SUCLA2: variants seen among roughly 807,000 people sequenced by gnomAD.
SUCLA2 encodes the protein succinate-CoA ligase ADP-forming subunit beta.
A neutral mutation model predicts 54.8 loss-of-function variants in SUCLA2; 30 were observed. The ratio of observed to expected loss-of-function variants is 0.55; its 90% CI spans 0.41 to 0.74. SUCLA2 has a LOEUF of 0.74. Among genes scored for constraint, SUCLA2 ranks in the 30% least tolerant of loss-of-function variants. The pLI is 0.00. For missense variants in SUCLA2, 476 were observed against 562.9 expected (o/e 0.85, Z 1.56); for synonymous variants, 172 against 188.9 (o/e 0.91, Z 0.74).
Position 47,949,045 on chromosome 13 carries a change from C to A in SUCLA2, c.1229-17G>T, listed in dbSNP as rs1949756684. On this transcript the variant is annotated splice_polypyrimidine_tract_variant and intron_variant, in intron 9 of 10. Coordinates refer to ENST00000646932, the MANE Select transcript of SUCLA2 (RefSeq NM_003850.3). ...CTCGTGTACCTGTAAATGATTTATG[C>A]AAATATAAATGTTTTAAATACACAC... 6.2e-7 allele frequency: 1 copy of A among 1,609,528 alleles called. No homozygotes were observed. Among genetic ancestry groups the A allele is most frequent in the Admixed American group, 1.7e-5 (1 of 59,944 alleles).
At chr13:47,984,952 G>C (rs527579855) in intron 4 of SUCLA2, among the ~76,000 whole-genome samples, 144 of 152,118 alleles carry the variant, frequency 9.5e-4, no homozygotes, top group Non-Finnish European at 1.9e-3. Context: ...AATAAAAGTA[G>C]TAAATGTGAT....
At chr13:47,995,521 T>C (rs1950184407) in intron 2 of SUCLA2, among the ~76,000 whole-genome samples, 1 of 152,194 alleles carries the variant, frequency 6.6e-6, no homozygotes, top group Non-Finnish European at 1.5e-5. Flanking sequence ...TTTCTGAACT[T>C]GTATATATCC....
At chr13:47,965,711 T>C (rs1446180501) in intron 6 of SUCLA2, 5 of 397,902 alleles carry the variant, frequency 1.3e-5, no homozygotes, top group Non-Finnish European at 2.2e-5. Flanking sequence ...ATGAATTAGA[T>C]AATATTTTCT....
chr13:47,967,757 T>TTC (rs1949931039), intron 6 of SUCLA2, among the ~76,000 whole-genome samples: 1 of 150,774 alleles, frequency 6.6e-6, no homozygotes, highest in Non-Finnish European at 1.5e-5. Flanking sequence ...GGCAGAAGAA[T>TTC]TACTTGAACC....
chr13:47,971,953 T>C (rs1231145708), intron 5 of SUCLA2: 9 of 398,148 alleles, frequency 2.3e-5, no homozygotes, highest in Non-Finnish European at 2.2e-5. Flanking sequence ...GACTTATCAG[T>C]CAACAACAAT....
At chr13:48,000,994 G>A (rs1376585942) in intron 1 of SUCLA2, 186 bp downstream of exon 1, 13 of 1,446,848 alleles carry the variant, frequency 9.0e-6, no homozygotes, top group Non-Finnish European at 1.2e-5. Flanking sequence ...GGTCAGAGCC[G>A]CGCAAACATG....
At chr13:47,994,345 G>A (rs1164164148) in intron 2 of SUCLA2, among the ~76,000 whole-genome samples, 1 of 151,962 alleles carries the variant, frequency 6.6e-6, no homozygotes, top group Non-Finnish European at 1.5e-5. Context: ...CTAGGCGGGT[G>A]GATCACAAGG....
chr13:47,987,014 A>C (rs963261190), intron 4 of SUCLA2, among the ~76,000 whole-genome samples: 30 of 152,352 alleles, frequency 2.0e-4, no homozygotes, highest in African/African-American at 7.0e-4. Flanking sequence ...TGATAATATC[A>C]AAGAATTTAT....
intron 10 of SUCLA2, among the ~76,000 whole-genome samples, chr13:47,943,766 G>GTGTATATATATATATATATATA (rs1300486540): frequency 5.2e-4 from 73 of 139,638 alleles, no homozygotes; most frequent in South Asian, 3.1e-3. Flanking sequence ...GTGTGTGTGT[G>GTGTATATATATATATATATATA]TATATATATA....
In SUCLA2 at chr13:47,971,398, G is replaced by A. The variant is rs148039855; in HGVS notation, c.663+1866C>T. On this transcript the variant is annotated intron_variant, in intron 5 of 10. Transcript: ENST00000646932. Reference sequence around the variant, plus strand: ...CGCCACTGCACACTCCACCCTGGGCGACAGAGCAAGAATCTCCATCTCAAA... The same window carrying A: ...CGCCACTGCACACTCCACCCTGGGCAACAGAGCAAGAATCTCCATCTCAAA... 592 of 152,428 alleles carry A rather than the reference G, an allele frequency of 3.9e-3. 2 individuals carry two copies. The highest frequency in any genetic ancestry group is 0.013 in the African/African-American group (552 of 41,578). 9.4% of individuals were successfully genotyped at this position (152,428 alleles called of 1,614,324 possible).
intron 2 of SUCLA2, among the ~76,000 whole-genome samples, chr13:47,994,328 G>A (rs1485339264): frequency 6.6e-6 from 1 of 151,944 alleles, no homozygotes; most frequent in Non-Finnish European, 1.5e-5. Flanking sequence ...CCAGCACTTT[G>A]GGAGGCCTAG....
intron 1 of SUCLA2, among the ~76,000 whole-genome samples, chr13:47,999,573 G>A (rs562758139): frequency 4.6e-5 from 7 of 152,230 alleles, no homozygotes; most frequent in African/African-American, 1.7e-4. Flanking sequence ...CGGACGTGGT[G>A]GCAGGCGCCT....
chr13:47,993,989 C>T (rs1329256334), intron 2 of SUCLA2, among the ~76,000 whole-genome samples: 3 of 148,428 alleles, frequency 2.0e-5, no homozygotes, highest in Non-Finnish European at 3.0e-5. Context: ...ACCCAGGAGG[C>T]GGAGGTTGCG....
chr13:47,955,500 C>T (rs1003526190), intron 6 of SUCLA2, among the ~76,000 whole-genome samples: 1 of 152,136 alleles, frequency 6.6e-6, no homozygotes, highest in Admixed American at 6.5e-5. Flanking sequence ...CTGAGCCCAA[C>T]TTGTGCCTGT....
chr13:47,972,720 T>C (rs1424019236), intron 5 of SUCLA2, among the ~76,000 whole-genome samples: 3 of 149,734 alleles, frequency 2.0e-5, no homozygotes, highest in Non-Finnish European at 4.4e-5. Flanking sequence ...TTGTTAATTT[T>C]ACTAGATAGG....
chr13:47,961,404 C>T (rs1949869977), intron 6 of SUCLA2, among the ~76,000 whole-genome samples: 1 of 152,094 alleles, frequency 6.6e-6, no homozygotes, highest in African/African-American at 2.4e-5. Context: ...AAATGAATGA[C>T]ATTTTACAGT....
intron 6 of SUCLA2, among the ~76,000 whole-genome samples, chr13:47,962,475 T>C (rs1949878157): frequency 6.6e-6 from 1 of 152,220 alleles, no homozygotes; most frequent in African/African-American, 2.4e-5. Flanking sequence ...CTTGTCGCAC[T>C]GTGTGTGGGT....
intron 4 of SUCLA2, among the ~76,000 whole-genome samples, chr13:47,983,481 TC>T (rs1230669508): frequency 7.6e-6 from 1 of 130,964 alleles, no homozygotes; most frequent in Non-Finnish European, 1.6e-5. Context: ...AGTTTAGTTT[TC>T]TTTTCCCTTT....
chr13:47,974,728 G>GA (rs1212132425), intron 4 of SUCLA2, among the ~76,000 whole-genome samples: 3 of 152,114 alleles, frequency 2.0e-5, no homozygotes, highest in African/African-American at 4.8e-5. Flanking sequence ...AATCAATCAA[G>GA]AAAAAATCAT....
Sources: gnomAD v4.1 joint callset for allele counts (sites outside exome capture counted in the v4.1 genomes callset) on GRCh38, gnomAD v4.1.1 for gene constraint, MANE v1.5 for transcripts, NCBI Gene and HGNC (gene_info 2026-07-23, HGNC 2026-07-21) for gene names.